The following SHANK2 variants were observed in gnomAD, a reference collection of about 807,000 sequenced individuals.
SHANK2 encodes SH3 and multiple ankyrin repeat domains protein 2.
In SHANK2, 43 loss-of-function variants were observed where a neutral mutation model predicts 133.7. That is an observed-to-expected ratio of 0.32 (90% CI 0.25 to 0.41). SHANK2 has a LOEUF of 0.41. Among genes scored for constraint, SHANK2 ranks in the 10% least tolerant of loss-of-function variants. The pLI is 1.00. For missense variants in SHANK2, 1,994 were observed against 2,235.8 expected, an observed-to-expected ratio of 0.89 and a Z score of 2.18; for synonymous variants, 1,017 against 952.8, an observed-to-expected ratio of 1.07 and a Z score of -1.24.
rs78191666 is a variant in SHANK2 at position 70,844,006 on chromosome 11, T to C, written c.1175-23324A>G. Among the ~76,000 whole-genome samples, 10 of 152,274 alleles carry C rather than the reference T, an allele frequency of 6.6e-5. No individual in the cohort carries two copies. The East Asian group carries it at 1.2e-3, about 18-fold the overall frequency. On this transcript the variant is annotated intron_variant, in intron 11 of 25. Coordinates refer to ENST00000601538, the MANE Select transcript of SHANK2 (RefSeq NM_012309.5). ...TTCTCCAGTGAGCCCTCAGTTTTCC[T>C]AGGGTAGGACCACACTGTGCTGCGT... is the stretch of plus-strand genomic sequence containing the variant.
intron 8 of SHANK2, among the ~76,000 whole-genome samples, chr11:71,076,356 C>A (rs1951219479): frequency 6.6e-6 from 1 of 152,130 alleles, no homozygotes; most frequent in Non-Finnish European, 1.5e-5. Context: ...TCCTGCTCTA[C>A]TGCTAATTGA....
chr11:71,112,208 A>G (rs1555099461), intron 5 of SHANK2, among the ~76,000 whole-genome samples: 1 of 152,228 alleles, frequency 6.6e-6, no homozygotes, highest in Non-Finnish European at 1.5e-5. Context: ...AGCCTGGCCA[A>G]CGTGGCAAAA....
At chr11:70,898,617 C>T (rs1408755587) in intron 10 of SHANK2, among the ~76,000 whole-genome samples, 1 of 152,158 alleles carries the variant, frequency 6.6e-6, no homozygotes, top group African/African-American at 2.4e-5. Flanking sequence ...GCGATAAAAT[C>T]AGATATTTAG....
chr11:70,780,826 G>A (rs1555044971), intron 14 of SHANK2, among the ~76,000 whole-genome samples: 3 of 151,994 alleles, frequency 2.0e-5, no homozygotes, highest in South Asian at 4.2e-4. Flanking sequence ...TGCCTGCCTC[G>A]TCCTCCCAAA....
chr11:71,167,488 GC>G (rs1565490863), intron 2 of SHANK2, among the ~76,000 whole-genome samples: 1 of 140,994 alleles, frequency 7.1e-6, no homozygotes. Flanking sequence ...AGTAGGGGCG[GC>G]CGGGCAGAGG....
rs1192029058 is a variant in SHANK2, at chr11:70,469,367, A to C, written c.*3502T>G. 6.6e-6 allele frequency: 1 copy of C among 152,636 alleles called. No individual in the cohort carries two copies. The highest frequency in any genetic ancestry group is 6.5e-5 in the Admixed American group (1 of 15,280). The allele number at this position is 152,636 out of a possible 1,614,324, so 9.5% of individuals were successfully genotyped here. A position where few individuals can be genotyped will look rare whatever the true frequency, so the allele number is the denominator to read the frequency against. On this transcript the variant is annotated 3_prime_UTR_variant, in exon 26 of 26. Transcript: ENST00000601538. ...CCTGAGATAATCTACATTAGATTGC[A>C]AGTCGGGCAGCTTTTTGTTTAATTC...
Position 70,820,518 on chromosome 11 carries a change from G to A in SHANK2, c.1339C>T (p.Pro447Ser), listed in dbSNP as rs1024062567. The A allele has an allele frequency of 1.4e-6, 1 of 717,116 alleles. No homozygotes were observed. The allele number at this position is 717,116 out of a possible 1,614,324, so 44.4% of individuals were successfully genotyped here. A position where few individuals can be genotyped will look rare whatever the true frequency, so the allele number is the denominator to read the frequency against. Residue 447 changes from proline to serine, a missense_variant, in exon 12 of 26, where the codon CCC becomes TCC. Pro to Ser is a moderately conservative substitution (Grantham distance 74, BLOSUM62 -1). Around this residue, in one of 5 missense-constraint regions of SHANK2, gnomAD observed 653 missense variants for 563.4 expected, o/e 1.16. Transcript: ENST00000601538. ...STATSHRSLS[P>S]QLLQQMPSKP... ...CTGGGCATCTGCTGCAGCAGCTGGG[G>A]TGACAGGCTGCGGTGCGAGGTGGCC...
At chr11:70,788,491 C>T (rs1947718216) in intron 14 of SHANK2, among the ~76,000 whole-genome samples, 1 of 152,154 alleles carries the variant, frequency 6.6e-6, no homozygotes, top group South Asian at 2.1e-4. Flanking sequence ...CCAGCGCACT[C>T]CTGCTGTCCA....
At chr11:70,605,682 G>A (rs1177004054) in intron 17 of SHANK2, among the ~76,000 whole-genome samples, 7 of 152,194 alleles carry the variant, frequency 4.6e-5, no homozygotes, top group East Asian at 1.9e-4. Flanking sequence ...GACGAGGAAC[G>A]CAGAGCTCAA....
chr11:71,102,632 G>A (rs1448185212), intron 6 of SHANK2, among the ~76,000 whole-genome samples: 1 of 152,212 alleles, frequency 6.6e-6, no homozygotes, highest in Non-Finnish European at 1.5e-5. Context: ...GGCTGCTGCC[G>A]ACAACCAGGT....
chr11:70,666,390 A>AG (rs1271462977), intron 15 of SHANK2, among the ~76,000 whole-genome samples: 2 of 151,992 alleles, frequency 1.3e-5, no homozygotes, highest in Non-Finnish European at 2.9e-5. Flanking sequence ...GCAATCAGAC[A>AG]GGGGGGTCTC....
chr11:70,543,904 G>A (rs781823427), intron 17 of SHANK2, among the ~76,000 whole-genome samples: 4 of 152,188 alleles, frequency 2.6e-5, no homozygotes, highest in Non-Finnish European at 4.4e-5. Flanking sequence ...GCTGGTGTCC[G>A]AGGGAACCGA....
chr11:70,529,538 G>C (rs1356400402), intron 17 of SHANK2, among the ~76,000 whole-genome samples: 1 of 152,228 alleles, frequency 6.6e-6, no homozygotes, highest in African/African-American at 2.4e-5. Context: ...GGGATTCCAA[G>C]ATCTATACAC....
At chr11:71,115,191 G>A (rs566009788) in intron 4 of SHANK2, among the ~76,000 whole-genome samples, 3 of 152,278 alleles carry the variant, frequency 2.0e-5, no homozygotes, top group Admixed American at 1.3e-4. Context: ...AATTTTGGCC[G>A]GGCGTGGTGG....
At chr11:70,827,353 C>T (rs1948658741) in intron 11 of SHANK2, among the ~76,000 whole-genome samples, 1 of 151,002 alleles carries the variant, frequency 6.6e-6, no homozygotes, top group African/African-American at 2.4e-5. Flanking sequence ...CTGATAAAAG[C>T]GAGCTCTTCA....
chr11:70,555,201 T>C (rs1349265934), intron 17 of SHANK2, among the ~76,000 whole-genome samples: 1 of 152,218 alleles, frequency 6.6e-6, no homozygotes, highest in Admixed American at 6.5e-5. Context: ...TCTCTCTCCC[T>C]CTGTGCAGGC....
At chr11:70,623,840 G>A (rs2060867056) in intron 17 of SHANK2, among the ~76,000 whole-genome samples, 1 of 152,220 alleles carries the variant, frequency 6.6e-6, no homozygotes, top group South Asian at 2.1e-4. Flanking sequence ...ACCAAGGAAG[G>A]AGAGAGAATT....
intron 1 of SHANK2, among the ~76,000 whole-genome samples, chr11:71,238,940 C>T (rs976120054): frequency 1.3e-5 from 2 of 152,234 alleles, no homozygotes; most frequent in South Asian, 2.1e-4. Context: ...GGGTGTTTCT[C>T]GTAAGGTGGG....
At chr11:70,875,104 C>T (rs1590785545) in intron 11 of SHANK2, among the ~76,000 whole-genome samples, 1 of 152,094 alleles carries the variant, frequency 6.6e-6, no homozygotes. Flanking sequence ...CTTAGACCAA[C>T]GATTGGGGGA....
Sources: allele counts gnomAD v4.1 joint callset (sites outside exome capture counted in the v4.1 genomes callset), GRCh38; gene constraint gnomAD v4.1.1; regional missense constraint gnomAD v4.1.1; transcripts MANE v1.5; gene names NCBI Gene and HGNC (gene_info 2026-07-23, HGNC 2026-07-21).